Variants in NELL2 observed in about 807,000 individuals in gnomAD.
The protein encoded by NELL2 is neural EGFL like 2.
A neutral mutation model predicts 109.6 loss-of-function variants in NELL2; 41 were observed. That is an observed-to-expected ratio of 0.37 (90% CI 0.29 to 0.49). The LOEUF (loss-of-function observed/expected upper bound fraction) is 0.49. Ranked by LOEUF, NELL2 falls within the 20% of genes least tolerant of loss-of-function variation. NELL2 has a pLI of 0.98. For synonymous variants in NELL2, 355 were observed against 344.7 expected (o/e 1.03, Z -0.33); for missense variants, 900 against 1,008.3 (o/e 0.89, Z 1.45).
chr12:44,721,280 T>C (rs1055043821), intron 9 of NELL2, among the ~76,000 whole-genome samples: 1 of 152,186 alleles, frequency 6.6e-6, no homozygotes, highest in Non-Finnish European at 1.5e-5. Flanking sequence ...CATATAACAG[T>C]CTATTAAAAC....
intron 12 of NELL2, among the ~76,000 whole-genome samples, chr12:44,679,146 G>A (rs765917581): frequency 6.6e-6 from 1 of 152,042 alleles, no homozygotes; most frequent in Non-Finnish European, 1.5e-5. Flanking sequence ...GTATTCACAC[G>A]TACCTATTAC....
At chr12:44,523,983 C>A (rs60837979) in intron 16 of NELL2, among the ~76,000 whole-genome samples, 12,114 of 152,196 alleles carry the variant, frequency 0.08, 793 homozygotes, top group African/African-American at 0.18. Flanking sequence ...ACCTGCCCCC[C>A]TCCATGAAGC....
At chr12:44,798,893 G>A (rs1942726243) in intron 3 of NELL2, among the ~76,000 whole-genome samples, 1 of 150,754 alleles carries the variant, frequency 6.6e-6, no homozygotes, top group African/African-American at 2.4e-5. Context: ...AAACTGTGAG[G>A]GATCAGTTGG....
intron 2 of NELL2, among the ~76,000 whole-genome samples, chr12:44,830,018 G>A (rs1943837581): frequency 6.6e-6 from 1 of 152,160 alleles, no homozygotes; most frequent in Non-Finnish European, 1.5e-5. Context: ...AACCACGTAT[G>A]TGTTACTGTT....
intron 19 of NELL2, among the ~76,000 whole-genome samples, chr12:44,510,486 T>C (rs1359943934): frequency 2.0e-5 from 3 of 152,232 alleles, no homozygotes; most frequent in East Asian, 1.9e-4. Flanking sequence ...TACTTTAATA[T>C]GATAAAAACT....
At chr12:44,703,118 G>A (rs958300046) in intron 12 of NELL2, among the ~76,000 whole-genome samples, 3 of 152,138 alleles carry the variant, frequency 2.0e-5, no homozygotes, top group Non-Finnish European at 2.9e-5. Context: ...CATGGACTTC[G>A]TCAGGAAGAG....
chr12:44,721,587 A>C (rs997444460), intron 9 of NELL2, among the ~76,000 whole-genome samples: 9 of 152,100 alleles, frequency 5.9e-5, no homozygotes, highest in Non-Finnish European at 7.4e-5. Flanking sequence ...TCAATACAGG[A>C]ACATCGTCTT....
chr12:44,538,772 C>T (rs1463052649), intron 15 of NELL2, among the ~76,000 whole-genome samples: 2 of 152,122 alleles, frequency 1.3e-5, no homozygotes, highest in Non-Finnish European at 2.9e-5. Context: ...ATGTACAACT[C>T]CCTCTCATGT....
intron 3 of NELL2, among the ~76,000 whole-genome samples, chr12:44,797,672 A>G (rs1942671054): frequency 6.6e-6 from 1 of 151,748 alleles, no homozygotes; most frequent in Non-Finnish European, 1.5e-5. Flanking sequence ...AAAATCATTA[A>G]TGGTATCGCT....
intron 9 of NELL2, among the ~76,000 whole-genome samples, chr12:44,772,801 T>C (rs1229145904): frequency 6.6e-6 from 1 of 152,156 alleles, no homozygotes; most frequent in Non-Finnish European, 1.5e-5. Context: ...TTTTTCATTA[T>C]GTTGTGGTCT....
At chr12:44,599,359 A>C (rs1945108892) in intron 15 of NELL2, among the ~76,000 whole-genome samples, 1 of 152,178 alleles carries the variant, frequency 6.6e-6, no homozygotes, top group South Asian at 2.1e-4. Context: ...AGAAGGAATC[A>C]AAACCACAAG....
chr12:44,737,824 T>C, intron 9 of NELL2, among the ~76,000 whole-genome samples: 1 of 152,078 alleles, frequency 6.6e-6, no homozygotes, highest in East Asian at 1.9e-4. Context: ...ATTCTTGTTC[T>C]TAAGGCCCTC....
chr12:44,529,300 G>A (rs1213744130), intron 16 of NELL2, among the ~76,000 whole-genome samples: 1 of 150,288 alleles, frequency 6.7e-6, no homozygotes, highest in Non-Finnish European at 1.5e-5. Context: ...AAGAAGGAAG[G>A]AAACAATGAC....
intron 13 of NELL2, among the ~76,000 whole-genome samples, chr12:44,611,733 C>T (rs1181114367): frequency 1.3e-5 from 2 of 151,996 alleles, no homozygotes; most frequent in Non-Finnish European, 2.9e-5. Flanking sequence ...AACGGTGGCT[C>T]AGAGTGTTTA....
chr12:44,643,799 G>A (rs372247809), intron 13 of NELL2, among the ~76,000 whole-genome samples: 31 of 152,142 alleles, frequency 2.0e-4, no homozygotes, highest in Middle Eastern at 3.4e-3. Flanking sequence ...ATCCAAATTC[G>A]TTTTTCTGGA....
intron 15 of NELL2, among the ~76,000 whole-genome samples, chr12:44,557,677 AC>A (rs1943308660): frequency 6.6e-6 from 1 of 152,200 alleles, no homozygotes; most frequent in South Asian, 2.1e-4. Context: ...TATTGAAAAC[AC>A]AGGTATGGGG....
chr12:44,552,004 G>A (rs760505624), intron 15 of NELL2, among the ~76,000 whole-genome samples: 1 of 152,096 alleles, frequency 6.6e-6, no homozygotes. Flanking sequence ...GTATGCTTTC[G>A]GGAGACTGGT....
intron 13 of NELL2, among the ~76,000 whole-genome samples, chr12:44,658,188 G>T (rs1478340769): frequency 3.3e-5 from 5 of 152,056 alleles, no homozygotes; most frequent in African/African-American, 9.7e-5. Flanking sequence ...GGTGTGAGAT[G>T]GTATCTCATC....
intron 12 of NELL2, among the ~76,000 whole-genome samples, chr12:44,703,416 C>A (rs1036980322): frequency 6.6e-6 from 1 of 151,970 alleles, no homozygotes; most frequent in African/African-American, 2.4e-5. Flanking sequence ...TAACTGCAAG[C>A]CACAGTAATC....
Sources: gnomAD v4.1 joint callset for allele counts (sites outside exome capture counted in the v4.1 genomes callset) on GRCh38, gnomAD v4.1.1 for gene constraint, MANE v1.5 for transcripts, NCBI Gene and HGNC (gene_info 2026-07-23, HGNC 2026-07-21) for gene names.